DSCAM: variants seen among roughly 807,000 people sequenced by gnomAD.
The protein encoded by DSCAM is DS cell adhesion molecule.
DSCAM carries 47 observed loss-of-function variants against 217.7 expected under a neutral mutation model. The observed-to-expected ratio is 0.22, with a 90% CI of 0.17 to 0.28. DSCAM has a LOEUF of 0.28. DSCAM is among the 10% of genes least tolerant of loss of function. The probability of loss-of-function intolerance (pLI) is 1.00; values close to 1 mark genes in which losing one functional copy is unlikely to be tolerated. For synonymous variants in DSCAM, 1,056 were observed against 1,015.3 expected (o/e 1.04, Z -0.76); for missense variants, 2,080 against 2,618.3 (o/e 0.79, Z 4.49).
In DSCAM at chr21:40,040,761, A is replaced by G. The variant is rs56789561; in HGVS notation, c.5686+1610T>C. On this transcript the variant is annotated intron_variant, in intron 32 of 32. Coordinates refer to ENST00000400454, the MANE Select transcript of DSCAM (RefSeq NM_001389.5). ...GTACACAGTCACCAACGCCATTCCC[A>G]TTTTACAGATGCAGGAACTGAAGCT... Among the ~76,000 whole-genome samples the G allele has an allele frequency of 4.6e-3, 705 of 152,240 alleles. 5 individuals carry two copies. Among genetic ancestry groups the G allele is most frequent in the African/African-American group, 0.016 (658 of 41,530 alleles).
chr21:40,578,880 T>G (rs150870622), intron 3 of DSCAM, among the ~76,000 whole-genome samples: 30 of 152,224 alleles, frequency 2.0e-4, no homozygotes, highest in African/African-American at 7.0e-4. Flanking sequence ...AGTGCAGCAG[T>G]TAGGTGTCAG....
At chr21:40,402,767 G>A (rs756912439) in intron 3 of DSCAM, among the ~76,000 whole-genome samples, 4 of 151,524 alleles carry the variant, frequency 2.6e-5, no homozygotes, top group African/African-American at 9.7e-5. Flanking sequence ...TTTAATTTTA[G>A]GTTTAGGAAG....
At chr21:40,621,350 C>T (rs1162838823) in intron 3 of DSCAM, 1 of 152,204 alleles carries the variant, frequency 6.6e-6, no homozygotes, top group Non-Finnish European at 1.5e-5. Flanking sequence ...CTCCTCTCCA[C>T]ATTGTGTCTT....
At chr21:40,481,356 G>A (rs1231249203) in intron 3 of DSCAM, among the ~76,000 whole-genome samples, 5 of 151,916 alleles carry the variant, frequency 3.3e-5, no homozygotes, top group Non-Finnish European at 1.5e-5. Context: ...CAGGCATGGT[G>A]GCGGGTGCCT....
In DSCAM at chr21:40,493,863, CAAAA is replaced by C. The variant is rs57564776; in HGVS notation, c.509-124622_509-124619del. Among the ~76,000 whole-genome samples the C allele has an allele frequency of 8.2e-3, 1,033 of 125,420 alleles. 9 individuals are homozygous for C. Among genetic ancestry groups the C allele is most frequent in the African/African-American group, 0.02 (709 of 35,694 alleles). 82.3% of individuals were successfully genotyped at this position (125,420 alleles called of 152,430 possible). A position where few individuals can be genotyped will look rare whatever the true frequency, so the allele number is the denominator to read the frequency against. The stretch of plus-strand genomic sequence containing the variant: ...GGGCAACAAGAGCAAAACTCCATCT[CAAAA>C]AAAAAAAAAAAAATATATACATATA... On this transcript the variant is annotated intron_variant, in intron 3 of 32. Transcript: ENST00000400454.
chr21:40,357,129 A>T (rs2123660983), intron 4 of DSCAM, among the ~76,000 whole-genome samples: 1 of 152,308 alleles, frequency 6.6e-6, no homozygotes, highest in African/African-American at 2.4e-5. Context: ...CATATGCATG[A>T]CTATAGGGCT....
In DSCAM at chr21:40,163,855, G is replaced by A. The variant is rs746203664; in HGVS notation, c.3018+3363C>T. Among the ~76,000 whole-genome samples, 3 of 152,200 alleles carry A rather than the reference G, an allele frequency of 2.0e-5. No homozygotes were observed. In the East Asian group the frequency reaches 5.8e-4, roughly 29 times the overall value. ...GTATCATGAGTTAGACCTGAGCTCA[G>A]CATGTTTGCTCTCTGGAGATCCTGA... is the stretch of plus-strand genomic sequence containing the variant. On this transcript the variant is annotated intron_variant, in intron 16 of 32. Coordinates refer to ENST00000400454, the MANE Select transcript of DSCAM (RefSeq NM_001389.5).
At chr21:40,148,431 G>A (rs886066732) in intron 16 of DSCAM, among the ~76,000 whole-genome samples, 9 of 152,020 alleles carry the variant, frequency 5.9e-5, no homozygotes, top group Non-Finnish European at 1.0e-4. Flanking sequence ...TACAATTATG[G>A]CTACGGCTGC....
In DSCAM at chr21:40,239,927, T is replaced by C. The variant is rs138506431; in HGVS notation, c.2356+36170A>G. Among the ~76,000 whole-genome samples, 72 of 152,270 alleles carry C rather than the reference T, an allele frequency of 4.7e-4. 1 individual carries two copies. The East Asian group carries it at 0.013, about 27-fold the overall frequency. ...ACGCAGGGGCCTCTCCAGGCGAGCATCTCAGTTATACTTCCATCAGGTCCT... is the reference window on the plus strand; with the variant it reads ...ACGCAGGGGCCTCTCCAGGCGAGCACCTCAGTTATACTTCCATCAGGTCCT... On this transcript the variant is annotated intron_variant, in intron 11 of 32. Transcript: ENST00000400454.
chr21:40,031,845 C>T (rs1227127815), intron 32 of DSCAM, among the ~76,000 whole-genome samples: 3 of 152,198 alleles, frequency 2.0e-5, no homozygotes, highest in East Asian at 1.9e-4. Context: ...CAGTAAGAGT[C>T]AACCTTCCTC....
intron 3 of DSCAM, among the ~76,000 whole-genome samples, chr21:40,535,924 C>CT (rs1568886355): frequency 1.3e-5 from 2 of 152,136 alleles, no homozygotes; most frequent in African/African-American, 4.8e-5. Flanking sequence ...GAAAAAAACA[C>CT]CTACTTGGTT....
Position 40,078,899 on chromosome 21 carries a change from T to C in DSCAM, c.4499A>G (p.Asn1500Ser). ...GGAGGTGATGGGGCAGCCGCCATCA[T>C]TCCAGCCAATGAGGTTCAGCCTCAC... is the stretch of plus-strand genomic sequence containing the variant. ...TRVRLNLIGW[N>S]DGGCPITSFT... Residue 1500 changes from asparagine to serine, a missense_variant, in exon 26 of 33, where the codon AAT becomes AGT. This residue lies in a region of DSCAM where 1,144 missense variants were observed against 1,421.1 expected (regional missense o/e 0.81). Transcript: ENST00000400454. The C allele has an allele frequency of 6.2e-7, 1 of 1,614,226 alleles. No individual in the cohort carries two copies. Among genetic ancestry groups the C allele is most frequent in the Non-Finnish European group, 8.5e-7 (1 of 1,180,052 alleles).
chr21:40,814,444 CT>C (rs2091864225), intron 1 of DSCAM, among the ~76,000 whole-genome samples: 1 of 152,214 alleles, frequency 6.6e-6, no homozygotes, highest in Admixed American at 6.5e-5. Context: ...TGCAAAATCT[CT>C]CTTGAAAAGA....
intron 3 of DSCAM, among the ~76,000 whole-genome samples, chr21:40,399,405 C>T (rs2075213412): frequency 1.3e-5 from 2 of 152,196 alleles, no homozygotes; most frequent in Admixed American, 1.3e-4. Context: ...AGCTGAGTCA[C>T]TTCTAGTTCC....
chr21:40,240,589 C>G (rs2073139719), intron 11 of DSCAM, among the ~76,000 whole-genome samples: 1 of 152,064 alleles, frequency 6.6e-6, no homozygotes, highest in Non-Finnish European at 1.5e-5. Flanking sequence ...TCAGGCTGTT[C>G]CCAATGTCAG....
intron 1 of DSCAM, among the ~76,000 whole-genome samples, chr21:40,818,549 A>C (rs923793412): frequency 3.1e-4 from 12 of 38,886 alleles, no homozygotes; most frequent in African/African-American, 8.5e-4. Flanking sequence ...CCGTCTCACA[A>C]AAAAAAAAAA....
chr21:40,567,102 C>G (rs1379804805), intron 3 of DSCAM, among the ~76,000 whole-genome samples: 3 of 152,172 alleles, frequency 2.0e-5, no homozygotes, highest in South Asian at 2.1e-4. Flanking sequence ...TTTTATGACT[C>G]TGTAAGTATA....
chr21:40,332,329 T>C (rs1344098045), intron 8 of DSCAM, among the ~76,000 whole-genome samples: 1 of 152,192 alleles, frequency 6.6e-6, no homozygotes, highest in Admixed American at 6.5e-5. Flanking sequence ...AATCAAAACA[T>C]CTGCGTTTGA....
intron 3 of DSCAM, among the ~76,000 whole-genome samples, chr21:40,578,770 T>C (rs2076878407): frequency 6.6e-6 from 1 of 152,178 alleles, no homozygotes; most frequent in African/African-American, 2.4e-5. Context: ...GAATAAATTA[T>C]GGACACAGCA....
Sources: allele counts gnomAD v4.1 joint callset (sites outside exome capture counted in the v4.1 genomes callset), GRCh38; gene constraint gnomAD v4.1.1; regional missense constraint gnomAD v4.1.1; transcripts MANE v1.5; gene names NCBI Gene and HGNC (gene_info 2026-07-23, HGNC 2026-07-21).